Variants in HYKK observed in about 807,000 individuals in gnomAD.
The protein encoded by HYKK is hydroxylysine kinase, also known as 5-hydroxy-L-lysine kinase.
Under a neutral mutation model 29.7 loss-of-function variants are expected in HYKK, and 19 were observed. The observed-to-expected ratio is 0.64, with a 90% CI of 0.45 to 0.94. HYKK has a LOEUF of 0.94. HYKK is among the 40% of genes least tolerant of loss of function. HYKK has a pLI of 0.00. For missense variants in HYKK, 390 were observed against 443.4 expected, an observed-to-expected ratio of 0.88 and a Z score of 1.08; for synonymous variants, 152 against 158.1, an observed-to-expected ratio of 0.96 and a Z score of 0.29.
Position 78,513,122 on chromosome 15 carries a change from C to T in HYKK, c.34C>T (p.Leu12Phe), listed in dbSNP as rs770632035. Reference protein sequence around the residue: ...SSGNYQQSEALSKPTFSEEQA... With the variant: ...SSGNYQQSEAFSKPTFSEEQA... ...TGGAAACTATCAGCAGTCAGAGGCTCTTAGCAAACCCACTTTCAGTGAGGA... is the reference window on the plus strand; with the variant it reads ...TGGAAACTATCAGCAGTCAGAGGCTTTTAGCAAACCCACTTTCAGTGAGGA... Residue 12 changes from leucine to phenylalanine, a missense_variant, in exon 2 of 5, where the codon CTT becomes TTT. Physicochemically the swap from Leu to Phe is conservative, Grantham distance 22 (BLOSUM62 0). Transcript: ENST00000388988. The T allele has an allele frequency of 1.4e-5, 23 of 1,613,612 alleles. No individual in the cohort carries two copies. Among genetic ancestry groups the T allele is most frequent in the East Asian group, 4.5e-5 (2 of 44,890 alleles).
chr15:78,512,971 CA>C lies in HYKK; in HGVS notation c.-5-109del, dbSNP rs1327596023. The C allele has an allele frequency of 4.8e-6, 3 of 631,444 alleles. No individual in the cohort carries two copies. The African/African-American group carries it at 5.5e-5, about 12-fold the overall frequency. 39.1% of individuals were successfully genotyped at this position (631,444 alleles called of 1,614,324 possible). ...AACTTTATGAGTAAAACTTAACAAT[CA>C]AAAGAAGTACAGAATCAACAGAAAC... On this transcript the variant is annotated intron_variant, in intron 1 of 4. Coordinates refer to ENST00000388988, the MANE Select transcript of HYKK (RefSeq NM_001013619.4).
intron 4 of HYKK, among the ~76,000 whole-genome samples, chr15:78,532,184 T>A (rs992511119): frequency 6.6e-6 from 1 of 152,230 alleles, no homozygotes; most frequent in African/African-American, 2.4e-5. Context: ...GTCTGACATA[T>A]GGTCCTACTG....
chr15:78,514,352 A>G (rs183327479), intron 2 of HYKK, among the ~76,000 whole-genome samples: 254 of 152,302 alleles, frequency 1.7e-3, no homozygotes, highest in Non-Finnish European at 2.9e-3. Flanking sequence ...GAATGGACCT[A>G]ATTCAGCTCT....
intron 3 of HYKK, among the ~76,000 whole-genome samples, chr15:78,517,157 G>C (rs1183605588): frequency 3.0e-5 from 4 of 133,920 alleles, no homozygotes; most frequent in Admixed American, 9.0e-5. Context: ...TGTTGCCCAG[G>C]CTGGAGTGCA....
chr15:78,527,507 A>G lies in HYKK; in HGVS notation c.605A>G (p.His202Arg), dbSNP rs200988294. Residue 202 changes from histidine to arginine, a missense_variant, in exon 4 of 5, where the codon CAT becomes CGT. Coordinates refer to ENST00000388988, the MANE Select transcript of HYKK (RefSeq NM_001013619.4). ...GQNRNREIVE[H>R]VIHLFKEEVM... Reference sequence around the variant, plus strand: ...AATCGAAACCGAGAGATTGTTGAGCATGTCATTCATCTGTTCAAGGAGGAA... The same window carrying G: ...AATCGAAACCGAGAGATTGTTGAGCGTGTCATTCATCTGTTCAAGGAGGAA... The G allele has an allele frequency of 6.2e-4, 1,000 of 1,614,202 alleles. 1 individual carries two copies. The highest frequency in any genetic ancestry group is 7.5e-4 in the Non-Finnish European group (883 of 1,180,036).
intron 3 of HYKK, among the ~76,000 whole-genome samples, chr15:78,515,680 C>A (rs1211257290): frequency 6.6e-6 from 1 of 151,884 alleles, no homozygotes; most frequent in East Asian, 1.9e-4. Flanking sequence ...GCTCTGCCTC[C>A]CAGATTCACG....
chr15:78,511,519 G>C (rs1218263839), intron 1 of HYKK, among the ~76,000 whole-genome samples: 1 of 151,716 alleles, frequency 6.6e-6, no homozygotes, highest in Non-Finnish European at 1.5e-5. Flanking sequence ...CTTAAGCCCA[G>C]AAATTCAAGA....
Position 78,513,201 on chromosome 15 carries a change from G to A in HYKK, c.113G>A (p.Arg38Gln), listed in dbSNP as rs200778416. ...SVFGLKVSKV[R>Q]PLPSYDDQNF... is the part of the protein sequence containing the mutation. ...TTTGGGTTGAAAGTTTCCAAGGTCC[G>A]GCCACTTCCTAGCTATGATGACCAA... The change falls in exon 2 of 5, where the codon CGG (arginine) becomes CAG (glutamine). Residue 38 changes from arginine (R) to glutamine (Q), a missense_variant. By Grantham distance (43) the Arg-to-Gln change is conservative. Transcript: ENST00000388988. 4.8e-5 allele frequency: 78 copies of A among 1,614,046 alleles called. No individual in the cohort carries two copies. Among genetic ancestry groups the A allele is most frequent in the Middle Eastern group, 3.3e-4 (2 of 6,060 alleles).
chr15:78,512,022 C>CTTAATT (rs1330891442), intron 1 of HYKK, among the ~76,000 whole-genome samples: 6 of 152,184 alleles, frequency 3.9e-5, no homozygotes, highest in African/African-American at 1.4e-4. Flanking sequence ...TGTAATTGAC[C>CTTAATT]TTAATTTTAA....
At chr15:78,528,904 A>C (rs1365252131) in intron 4 of HYKK, 1 of 945,656 alleles carries the variant, frequency 1.1e-6, no homozygotes, top group Non-Finnish European at 1.3e-6. Flanking sequence ...ACACAGTGTA[A>C]GGTGTAGCGT....
intron 3 of HYKK, among the ~76,000 whole-genome samples, chr15:78,521,724 C>G (rs568418786): frequency 6.5e-4 from 99 of 152,126 alleles, no homozygotes; most frequent in African/African-American, 2.2e-3. Flanking sequence ...GATTGTAAAG[C>G]TGGTAATTGA....
chr15:78,525,096 C>T (rs1305944810), intron 3 of HYKK, among the ~76,000 whole-genome samples: 1 of 152,112 alleles, frequency 6.6e-6, no homozygotes, highest in South Asian at 2.1e-4. Context: ...GGTTCTCAAA[C>T]TCCCGGTCAT....
At chr15:78,507,939 G>A (rs2052030450) in intron 1 of HYKK, among the ~76,000 whole-genome samples, 1 of 152,158 alleles carries the variant, frequency 6.6e-6, no homozygotes, top group South Asian at 2.1e-4. Flanking sequence ...CAGCCCTCCC[G>A]GGTCTGTGTG....
In HYKK at chr15:78,515,178, A is replaced by G. The variant is rs570207918; in HGVS notation, c.477+71A>G. The G allele has an allele frequency of 9.1e-5, 108 of 1,185,966 alleles. 1 individual carries two copies. The African/African-American group carries it at 1.4e-3, about 16-fold the overall frequency. 73.5% of individuals were successfully genotyped at this position (1,185,966 alleles called of 1,614,324 possible). ...TGTTATTTTATTTTTAAAATAAAGTATGGATCAGATTCTCTTTTTATGTAT... is the reference window on the plus strand; with the variant it reads ...TGTTATTTTATTTTTAAAATAAAGTGTGGATCAGATTCTCTTTTTATGTAT... On this transcript the variant is annotated intron_variant, in intron 3 of 4. Transcript: ENST00000388988.
intron 3 of HYKK, among the ~76,000 whole-genome samples, chr15:78,520,792 T>C (rs1255666413): frequency 6.6e-6 from 1 of 151,820 alleles, no homozygotes; most frequent in African/African-American, 2.4e-5. Context: ...GCAGAGGGGC[T>C]CCTCACTTCC....
At position 78,515,116 on chromosome 15, in the gene HYKK, TGG is replaced by T; in HGVS notation, c.477+12_477+13del. The T allele has an allele frequency of 6.5e-7, 1 of 1,544,428 alleles. No homozygotes were observed. Among genetic ancestry groups the T allele is most frequent in the Non-Finnish European group, 8.7e-7 (1 of 1,146,850 alleles). On this transcript the variant is annotated intron_variant, in intron 3 of 4. Transcript: ENST00000388988. ...TGGATAAGACACTGCAGGTAAGATT[TGG>T]GGCTTTATTTTATTCTAAGGGATGT... is the stretch of plus-strand genomic sequence containing the variant.
chr15:78,537,256 TA>T, downstream of HYKK: 1 of 622,822 alleles, frequency 1.6e-6, no homozygotes, highest in South Asian at 2.0e-5. Flanking sequence ...TGGAAGACCC[TA>T]ATATAATACA....
chr15:78,513,445 C>G lies in HYKK; in HGVS notation c.337+20C>G. 6.5e-7 allele frequency: 1 copy of G among 1,549,078 alleles called. No individual in the cohort carries two copies. Among genetic ancestry groups the G allele is most frequent in the East Asian group, 2.2e-5 (1 of 44,570 alleles). On this transcript the variant is annotated intron_variant, in intron 2 of 4. Transcript: ENST00000388988. ...CTGTAGGTAAGAGATGACCAATTCGCCGATCCATTACCTATCCAGACACAT... is the reference window on the plus strand; with the variant it reads ...CTGTAGGTAAGAGATGACCAATTCGGCGATCCATTACCTATCCAGACACAT...
chr15:78,533,819 A>T lies in HYKK; in HGVS notation c.*149A>T. The T allele has an allele frequency of 1.6e-6, 1 of 618,638 alleles. No homozygotes were observed. Among genetic ancestry groups the T allele is most frequent in the South Asian group, 2.1e-5 (1 of 48,586 alleles). 38.3% of individuals were successfully genotyped at this position (618,638 alleles called of 1,614,324 possible). On this transcript the variant is annotated 3_prime_UTR_variant, in exon 5 of 5. Coordinates refer to ENST00000388988, the MANE Select transcript of HYKK (RefSeq NM_001013619.4). ...ATATGACAGAGCACATGAAATCCCT[A>T]AGGTCTTCAAGCAATCTCGTGACAA... is the stretch of plus-strand genomic sequence containing the variant.
Sources: allele counts gnomAD v4.1 joint callset (sites outside exome capture counted in the v4.1 genomes callset), GRCh38; gene constraint gnomAD v4.1.1; transcripts MANE v1.5; gene names NCBI Gene and HGNC (gene_info 2026-07-23, HGNC 2026-07-21).